The following ATRNL1 variants were observed in gnomAD, a reference collection of about 807,000 sequenced individuals.
The protein encoded by ATRNL1 is attractin like 1, also known as attractin-like protein 1.
In ATRNL1, 95 loss-of-function variants were observed where a neutral mutation model predicts 182.7. The observed-to-expected ratio is 0.52, with a 90% CI of 0.44 to 0.62. ATRNL1 has a LOEUF of 0.62. Among genes scored for constraint, ATRNL1 ranks in the 20% least tolerant of loss-of-function variants. The probability of loss-of-function intolerance (pLI) is 0.00; values close to 1 mark genes in which losing one functional copy is unlikely to be tolerated. For missense variants in ATRNL1, 1,471 were observed against 1,679.5 expected (o/e 0.88, Z 2.17); for synonymous variants, 576 against 568.3 (o/e 1.01, Z -0.19).
At chr10:115,142,020 G>A (rs1262219295) in intron 5 of ATRNL1, among the ~76,000 whole-genome samples, 1 of 151,966 alleles carries the variant, frequency 6.6e-6, no homozygotes, top group Non-Finnish European at 1.5e-5. Flanking sequence ...ACTGCTCTAG[G>A]TCCTTGGGAT....
At chr10:115,692,295 C>T (rs1329995298) in intron 26 of ATRNL1, among the ~76,000 whole-genome samples, 1 of 152,132 alleles carries the variant, frequency 6.6e-6, no homozygotes, top group Non-Finnish European at 1.5e-5. Context: ...GCAGACAGAA[C>T]TATTTATTCT....
At chr10:115,478,537 C>T (rs1848630027) in intron 24 of ATRNL1, among the ~76,000 whole-genome samples, 1 of 151,696 alleles carries the variant, frequency 6.6e-6, no homozygotes, top group African/African-American at 2.4e-5. Flanking sequence ...AAATCTCTTT[C>T]TTCAGTCTGT....
intron 26 of ATRNL1, among the ~76,000 whole-genome samples, chr10:115,683,546 G>C (rs1411631889): frequency 3.5e-5 from 1 of 28,666 alleles, no homozygotes; most frequent in Admixed American, 7.6e-4. Flanking sequence ...AAGAGAACTA[G>C]CGTTTTTTTT....
chr10:115,469,211 A>G lies in ATRNL1; in HGVS notation c.3536A>G (p.Lys1179Arg), dbSNP rs201735786. ...ISGEETSIVSKNNIKEYRDSF... is the reference protein window; with the variant it reads ...ISGEETSIVSRNNIKEYRDSF... ...GGGGAAGAGACTTCTATAGTTTCCA[A>G]GAATAATATAAAGGAATACAGAGAT... The change falls in exon 24 of 29, where the codon AAG becomes AGG. Residue 1179 changes from lysine (K) to arginine (R), a missense_variant. Around this residue, in one of 3 missense-constraint regions of ATRNL1, gnomAD observed 437 missense variants for 506.0 expected, o/e 0.86. Coordinates refer to ENST00000355044, the MANE Select transcript of ATRNL1 (RefSeq NM_207303.4). 1.7e-4 allele frequency: 229 copies of G among 1,386,218 alleles called. No individual in the cohort carries two copies. The highest frequency in any genetic ancestry group is 2.1e-4 in the Non-Finnish European group (217 of 1,038,688). The allele number at this position is 1,386,218 out of a possible 1,614,324, so 85.9% of individuals were successfully genotyped here.
intron 9 of ATRNL1, among the ~76,000 whole-genome samples, chr10:115,226,268 A>C (rs1182033683): frequency 6.6e-6 from 1 of 152,070 alleles, no homozygotes; most frequent in Non-Finnish European, 1.5e-5. Flanking sequence ...GTTTCAGATC[A>C]ATGTTAGATC....
At chr10:115,527,635 T>C (rs1052071539) in intron 25 of ATRNL1, among the ~76,000 whole-genome samples, 2 of 152,218 alleles carry the variant, frequency 1.3e-5, no homozygotes, top group Non-Finnish European at 2.9e-5. Context: ...ACCTAGTTGG[T>C]AATTGGCTTT....
intron 27 of ATRNL1, among the ~76,000 whole-genome samples, chr10:115,738,137 T>G (rs1056140770): frequency 4.2e-5 from 4 of 95,780 alleles, no homozygotes; most frequent in Admixed American, 1.2e-4. Context: ...TTTTTTTTTT[T>G]TTTTTTTTTT....
chr10:115,261,253 G>A (rs1427174670), intron 10 of ATRNL1, among the ~76,000 whole-genome samples: 1 of 152,108 alleles, frequency 6.6e-6, no homozygotes, highest in African/African-American at 2.4e-5. Flanking sequence ...TACTAAAAGT[G>A]TTAGAGTGAA....
At chr10:115,843,882 G>GA (rs1263451224) in intron 27 of ATRNL1, among the ~76,000 whole-genome samples, 2 of 152,050 alleles carry the variant, frequency 1.3e-5, no homozygotes, top group Non-Finnish European at 2.9e-5. Context: ...TACAAGCTCA[G>GA]AAAATGGACT....
At chr10:115,795,612 G>A (rs1211919067) in intron 27 of ATRNL1, among the ~76,000 whole-genome samples, 2 of 152,118 alleles carry the variant, frequency 1.3e-5, no homozygotes, top group African/African-American at 4.8e-5. Context: ...GAGACCTCAG[G>A]AAACTTACAA....
At chr10:115,285,235 A>G (rs1311140187) in intron 14 of ATRNL1, among the ~76,000 whole-genome samples, 7 of 151,942 alleles carry the variant, frequency 4.6e-5, no homozygotes, top group Non-Finnish European at 1.0e-4. Flanking sequence ...TTTTAATTTT[A>G]AAACCATTTT....
chr10:115,864,931 G>T (rs998025642), intron 28 of ATRNL1, among the ~76,000 whole-genome samples: 1 of 151,260 alleles, frequency 6.6e-6, no homozygotes, highest in Admixed American at 6.6e-5. Context: ...GCAGTGAGCC[G>T]AGATGGTGCC....
chr10:115,510,659 G>A (rs1043869882), intron 24 of ATRNL1, among the ~76,000 whole-genome samples: 1 of 151,952 alleles, frequency 6.6e-6, no homozygotes, highest in Non-Finnish European at 1.5e-5. Context: ...ACTTTATTGC[G>A]ATATTAACTT....
At chr10:115,667,652 C>CT (rs34762832) in intron 26 of ATRNL1, among the ~76,000 whole-genome samples, 3,109 of 146,398 alleles carry the variant, frequency 0.021, 87 homozygotes, top group African/African-American at 0.071. Flanking sequence ...TCTACTGCAT[C>CT]TTTTTTTTTT....
At chr10:115,409,600 CTA>C (rs1405655548) in intron 20 of ATRNL1, among the ~76,000 whole-genome samples, 1 of 152,064 alleles carries the variant, frequency 6.6e-6, no homozygotes, top group African/African-American at 2.4e-5. Flanking sequence ...ACTTTCAACA[CTA>C]TGTTGGATAA....
chr10:115,932,376 A>C (rs2134596155), intron 28 of ATRNL1, among the ~76,000 whole-genome samples: 1 of 152,342 alleles, frequency 6.6e-6, no homozygotes, highest in African/African-American at 2.4e-5. Context: ...CCTTCAGCAA[A>C]GGAGATTTAT....
chr10:115,761,325 A>G (rs1948730640), intron 27 of ATRNL1, among the ~76,000 whole-genome samples: 1 of 152,130 alleles, frequency 6.6e-6, no homozygotes. Flanking sequence ...CTTGTGGAAT[A>G]ATTTGAGAGG....
Position 115,615,266 on chromosome 10 carries a change from TTTAAATAATA to T in ATRNL1, c.3795+65732_3795+65741del, listed in dbSNP as rs138379231. Among the ~76,000 whole-genome samples, 760 of 152,270 alleles carry T rather than the reference TTTAAATAATA, an allele frequency of 5.0e-3. 13 individuals are homozygous for T. Among genetic ancestry groups the T allele is most frequent in the African/African-American group, 0.018 (732 of 41,556 alleles). On this transcript the variant is annotated intron_variant, in intron 26 of 28. Transcript: ENST00000355044. Reference sequence around the variant, plus strand: ...TATTTTTGCTTCCAGATATAGGATTTTTAAATAATATCTTGTAGGGCTGACCAGTAGTGAT... The same window carrying T: ...TATTTTTGCTTCCAGATATAGGATTTTCTTGTAGGGCTGACCAGTAGTGAT...
chr10:115,258,932 G>A (rs1851276611), intron 10 of ATRNL1, among the ~76,000 whole-genome samples: 1 of 152,168 alleles, frequency 6.6e-6, no homozygotes, highest in South Asian at 2.1e-4. Context: ...GTTTGCCTGG[G>A]TATCACCAGC....
Sources: allele counts gnomAD v4.1 joint callset (sites outside exome capture counted in the v4.1 genomes callset), GRCh38; gene constraint gnomAD v4.1.1; regional missense constraint gnomAD v4.1.1; transcripts MANE v1.5; gene names NCBI Gene and HGNC (gene_info 2026-07-23, HGNC 2026-07-21).